The following DOCK4 variants were observed in gnomAD, a reference collection of about 807,000 sequenced individuals.
DOCK4 encodes the protein dedicator of cytokinesis 4.
Under a neutral mutation model 268.1 loss-of-function variants are expected in DOCK4, and 97 were observed. The ratio of observed to expected loss-of-function variants is 0.36; its 90% CI spans 0.31 to 0.43. The LOEUF (loss-of-function observed/expected upper bound fraction) is 0.43, where lower values mean the gene tolerates loss of function less well. Among genes scored for constraint, DOCK4 ranks in the 20% least tolerant of loss-of-function variants. DOCK4 has a pLI of 1.00. For missense variants in DOCK4, 2,145 were observed against 2,455.7 expected, an observed-to-expected ratio of 0.87 and a Z score of 2.67; for synonymous variants, 954 against 887.2, an observed-to-expected ratio of 1.08 and a Z score of -1.34.
intron 1 of DOCK4, among the ~76,000 whole-genome samples, chr7:112,196,947 T>A (rs911709401): frequency 6.6e-6 from 1 of 152,134 alleles, no homozygotes; most frequent in East Asian, 1.9e-4. Context: ...TCTATTCTCT[T>A]AGCAAATTTC....
At chr7:112,090,602 G>A (rs945481370) in intron 1 of DOCK4, among the ~76,000 whole-genome samples, 1 of 152,148 alleles carries the variant, frequency 6.6e-6, no homozygotes, top group African/African-American at 2.4e-5. Flanking sequence ...GGGCAAATTG[G>A]TTAGGTTTTG....
intron 28 of DOCK4, among the ~76,000 whole-genome samples, chr7:111,809,675 G>C (rs1362190852): frequency 6.6e-6 from 1 of 152,180 alleles, no homozygotes; most frequent in Non-Finnish European, 1.5e-5. Flanking sequence ...TTGCTCCAAA[G>C]CTGTATTCCA....
At chr7:111,915,095 A>C (rs7811956) in intron 13 of DOCK4, among the ~76,000 whole-genome samples, 7,864 of 152,222 alleles carry the variant, frequency 0.052, 706 homozygotes, top group African/African-American at 0.18. Flanking sequence ...AGAAAACCCT[A>C]AATTTCCATA....
rs1446109235 is a variant in DOCK4, at chr7:111,915,806, G to C, written c.1165C>G (p.Leu389Val). The C allele has an allele frequency of 2.5e-6, 4 of 1,612,962 alleles. No homozygotes were observed. Among genetic ancestry groups the C allele is most frequent in the Non-Finnish European group, 3.4e-6 (4 of 1,179,574 alleles). The change falls in exon 13 of 53, where the codon CTG becomes GTG. Residue 389 changes from leucine (L) to valine (V), a missense_variant. Leu to Val is a conservative substitution (Grantham distance 32). Around this residue, in one of 2 missense-constraint regions of DOCK4, gnomAD observed 1,598 missense variants for 1,986.7 expected, o/e 0.80. Transcript: ENST00000428084. ...FSHGVSITRK[L>V]GFSNIIMPGE... The stretch of plus-strand genomic sequence containing the variant: ...GGCATAATAATATTTGAAAATCCCA[G>C]CTTCCTTGTTATGGATACTCCATGA...
chr7:111,728,580 A>C lies in DOCK4; in HGVS notation c.5622T>G (p.Phe1874Leu). The C allele has an allele frequency of 6.2e-7, 1 of 1,613,986 alleles. No homozygotes were observed. Among genetic ancestry groups the C allele is most frequent in the South Asian group, 1.1e-5 (1 of 91,086 alleles). The change falls in exon 53 of 53, where the codon TTT (phenylalanine) becomes TTG (leucine). Residue 1874 changes from phenylalanine (F) to leucine (L), a missense_variant. Transcript: ENST00000428084. ...CCGACTGTTCATTCACCTGATTTTC[A>C]AAGCCTGAGGTTTCCGACGTGCTGC... ...SRCSTSETSG[F>L]ENQVNEQSAP...
intron 1 of DOCK4, among the ~76,000 whole-genome samples, chr7:112,100,608 G>A (rs184334365): frequency 1.7e-3 from 254 of 152,312 alleles, no homozygotes; most frequent in African/African-American, 5.7e-3. Flanking sequence ...GACGTACTTT[G>A]AGTAGCTTCC....
chr7:111,922,141 T>C (rs977608053), intron 12 of DOCK4, among the ~76,000 whole-genome samples: 1 of 152,256 alleles, frequency 6.6e-6, no homozygotes, highest in Non-Finnish European at 1.5e-5. Flanking sequence ...GTCAACGCTC[T>C]GAACAAGTGA....
At chr7:111,933,657 T>C (rs2134697867) in intron 12 of DOCK4, among the ~76,000 whole-genome samples, 1 of 152,246 alleles carries the variant, frequency 6.6e-6, no homozygotes, top group Admixed American at 6.5e-5. Context: ...CCATGTTGTA[T>C]TTCATTTCTC....
rs533935932 is a variant in DOCK4 at position 112,127,282 on chromosome 7, T to C, written c.37+78820A>G. Among the ~76,000 whole-genome samples, 959 of 151,356 alleles carry C rather than the reference T, an allele frequency of 6.3e-3. 4 individuals carry two copies. Among genetic ancestry groups the C allele is most frequent in the Middle Eastern group, 0.024 (7 of 294 alleles). On this transcript the variant is annotated intron_variant, in intron 1 of 52. Coordinates refer to ENST00000428084, the MANE Select transcript of DOCK4 (RefSeq NM_001363540.2). ...GTAGGGACATGGATGAAACTGGAAA[T>C]CATCATTCTCAGTAAACTATCGCAA...
intron 51 of DOCK4, among the ~76,000 whole-genome samples, chr7:111,734,760 A>C (rs1015958494): frequency 6.6e-6 from 1 of 152,190 alleles, no homozygotes. Context: ...AGGTTAGAGA[A>C]GATGCTAGTG....
intron 8 of DOCK4, among the ~76,000 whole-genome samples, chr7:111,968,577 T>C (rs1178589773): frequency 9.4e-6 from 1 of 105,898 alleles, no homozygotes; most frequent in African/African-American, 5.2e-5. Context: ...CTGGAGAGGA[T>C]GTGGAGAAAT....
chr7:112,200,822 G>A (rs773701624), intron 1 of DOCK4, among the ~76,000 whole-genome samples: 4 of 151,010 alleles, frequency 2.6e-5, no homozygotes, highest in Non-Finnish European at 5.9e-5. Context: ...TTAGGGGAAT[G>A]ACCAAAAGAG....
chr7:111,935,354 G>C (rs781057687), intron 12 of DOCK4, 186 bp downstream of exon 12: 10 of 656,298 alleles, frequency 1.5e-5, no homozygotes, highest in South Asian at 1.1e-4. Context: ...TTTTTTATAG[G>C]GAGTTATAAG....
At chr7:111,971,189 T>C (rs1401139697) in intron 8 of DOCK4, 2 of 153,062 alleles carry the variant, frequency 1.3e-5, no homozygotes, top group Non-Finnish European at 2.9e-5. Flanking sequence ...AGATTATTTT[T>C]ATGTACAAAA....
chr7:112,074,681 T>C (rs1019476747), intron 1 of DOCK4, among the ~76,000 whole-genome samples: 1 of 152,200 alleles, frequency 6.6e-6, no homozygotes, highest in Admixed American at 6.5e-5. Flanking sequence ...AGCAGTTCTC[T>C]CTAGCAGCAT....
chr7:112,184,796 C>G (rs1298129623), intron 1 of DOCK4, among the ~76,000 whole-genome samples: 1 of 151,138 alleles, frequency 6.6e-6, no homozygotes, highest in East Asian at 1.9e-4. Flanking sequence ...ATCCCCCCCC[C>G]TTAGAGCTTG....
chr7:112,186,049 G>C (rs552983909), intron 1 of DOCK4, among the ~76,000 whole-genome samples: 1 of 152,310 alleles, frequency 6.6e-6, no homozygotes, highest in South Asian at 2.1e-4. Flanking sequence ...GCTGGGCTAG[G>C]CCAGGGGGCA....
intron 1 of DOCK4, among the ~76,000 whole-genome samples, chr7:112,188,708 G>C (rs1050513100): frequency 3.3e-5 from 5 of 152,156 alleles, no homozygotes; most frequent in Admixed American, 2.0e-4. Context: ...TTCAAACCTT[G>C]TTGTAACAGA....
intron 1 of DOCK4, among the ~76,000 whole-genome samples, chr7:112,036,922 T>C (rs1333293147): frequency 6.6e-6 from 1 of 152,058 alleles, no homozygotes; most frequent in Non-Finnish European, 1.5e-5. Context: ...TTGCCTCCCA[T>C]AGTGCTGGGA....
Sources: allele counts gnomAD v4.1 joint callset (sites outside exome capture counted in the v4.1 genomes callset), GRCh38; gene constraint gnomAD v4.1.1; regional missense constraint gnomAD v4.1.1; transcripts MANE v1.5; gene names NCBI Gene and HGNC (gene_info 2026-07-23, HGNC 2026-07-21).